Variants in FCHSD2 observed in about 807,000 individuals in gnomAD.
The protein encoded by FCHSD2 is FCH and double SH3 domains 2.
FCHSD2 carries 38 observed loss-of-function variants against 108.1 expected under a neutral mutation model. The observed-to-expected ratio is 0.35, with a 90% CI of 0.27 to 0.46. The LOEUF is 0.46. FCHSD2 is among the 20% of genes least tolerant of loss of function. The pLI is 1.00. For missense variants in FCHSD2, 751 were observed against 897.8 expected, an observed-to-expected ratio of 0.84 and a Z score of 2.09; for synonymous variants, 279 against 314.7, an observed-to-expected ratio of 0.89 and a Z score of 1.20.
intron 12 of FCHSD2, among the ~76,000 whole-genome samples, chr11:72,883,568 G>A (rs1855133225): frequency 6.6e-6 from 1 of 152,198 alleles, no homozygotes; most frequent in African/African-American, 2.4e-5. Context: ...AATGTCACTA[G>A]TCTGTAGCCA....
chr11:73,075,630 A>G (rs1439199677), intron 3 of FCHSD2, among the ~76,000 whole-genome samples: 1 of 152,128 alleles, frequency 6.6e-6, no homozygotes, highest in Non-Finnish European at 1.5e-5. Context: ...AGCCTGACCA[A>G]CATAGCAAAA....
At chr11:73,095,143 C>T (rs115330229) in intron 2 of FCHSD2, among the ~76,000 whole-genome samples, 104 of 152,234 alleles carry the variant, frequency 6.8e-4, no homozygotes, top group African/African-American at 2.5e-3. Flanking sequence ...GTTCTTATTT[C>T]TTATTAATTA....
intron 13 of FCHSD2, among the ~76,000 whole-genome samples, 166 bp from the exon 14 acceptor site, chr11:72,850,055 GAGTT>G (rs1861241074): frequency 8.7e-6 from 1 of 114,812 alleles, no homozygotes; most frequent in Non-Finnish European, 1.7e-5. Flanking sequence ...TGAAAGAATA[GAGTT>G]TTTTTTTTTT....
At chr11:72,927,059 A>G (rs1304094254) in intron 8 of FCHSD2, among the ~76,000 whole-genome samples, 1 of 152,202 alleles carries the variant, frequency 6.6e-6, no homozygotes, top group African/African-American at 2.4e-5. Flanking sequence ...AGTTTTTACT[A>G]TCTTAACAAT....
chr11:72,994,113 C>G (rs1002445186), intron 5 of FCHSD2, among the ~76,000 whole-genome samples: 23 of 152,146 alleles, frequency 1.5e-4, no homozygotes, highest in Middle Eastern at 3.4e-3. Flanking sequence ...CTTGGAGGAC[C>G]AAACAGAATA....
At chr11:72,871,581 T>C (rs1478308757) in intron 12 of FCHSD2, among the ~76,000 whole-genome samples, 3 of 83,492 alleles carry the variant, frequency 3.6e-5, no homozygotes, top group African/African-American at 9.8e-5. Flanking sequence ...TGTGGGACTC[T>C]TGGACAAACA....
intron 2 of FCHSD2, among the ~76,000 whole-genome samples, chr11:73,139,234 C>T (rs1708020777): frequency 6.6e-6 from 1 of 152,114 alleles, no homozygotes; most frequent in African/African-American, 2.4e-5. Flanking sequence ...GTTAGTGTAC[C>T]ACCAGAAAAC....
intron 8 of FCHSD2, among the ~76,000 whole-genome samples, chr11:72,972,399 A>G (rs537102526): frequency 2.0e-5 from 3 of 152,344 alleles, no homozygotes; most frequent in Non-Finnish European, 2.9e-5. Flanking sequence ...TCCAAACTAT[A>G]TTTCAAGGTG....
rs1054170125 is a variant in FCHSD2 at position 72,971,973 on chromosome 11, G to A, written c.705+12115C>T. On this transcript the variant is annotated intron_variant, in intron 8 of 19. Transcript: ENST00000409418. ...TTGCAATTATGATAGTGACAATATGGTTATACATATTTGTCAAAACTCAAC... is the reference window on the plus strand; with the variant it reads ...TTGCAATTATGATAGTGACAATATGATTATACATATTTGTCAAAACTCAAC... 1.1e-4 allele frequency among the ~76,000 whole-genome samples: 16 copies of A among 152,098 alleles called. 1 individual carries two copies. Among genetic ancestry groups the A allele is most frequent in the Admixed American group, 9.2e-4 (14 of 15,274 alleles).
At chr11:73,033,377 T>C (rs1858412605) in intron 3 of FCHSD2, among the ~76,000 whole-genome samples, 1 of 151,902 alleles carries the variant, frequency 6.6e-6, no homozygotes, top group Admixed American at 6.6e-5. Flanking sequence ...ATGCACAGTA[T>C]GGAGGCAAAG....
In FCHSD2 at chr11:72,843,343, T is replaced by C. The variant is rs1361403976; in HGVS notation, c.1528-15A>G. On this transcript the variant is annotated splice_polypyrimidine_tract_variant and intron_variant, in intron 15 of 19. Coordinates refer to ENST00000409418, the MANE Select transcript of FCHSD2 (RefSeq NM_014824.3). ...TTATTTCGAGCCTGGGTAAAAGACA[T>C]GTGACAAAACAAGTTTACACACACA... 6.2e-7 allele frequency: 1 copy of C among 1,606,926 alleles called. No individual in the cohort carries two copies. The highest frequency in any genetic ancestry group is 2.2e-5 in the East Asian group (1 of 44,732).
In FCHSD2 at chr11:72,874,504, T is replaced by C. The variant is rs551141869; in HGVS notation, c.1147-6478A>G. ...TGTGCCTGACCTCTAGTATTCATTT[T>C]AAAACAATGAAATGTTTTTATTTTT... is the stretch of plus-strand genomic sequence containing the variant. On this transcript the variant is annotated intron_variant, in intron 12 of 19. Coordinates refer to ENST00000409418, the MANE Select transcript of FCHSD2 (RefSeq NM_014824.3). 6.8e-4 allele frequency among the ~76,000 whole-genome samples: 103 copies of C among 152,364 alleles called. No individual in the cohort carries two copies. The South Asian group carries it at 0.018, about 26-fold the overall frequency.
intron 3 of FCHSD2, 122 bp from the exon 4 acceptor site, chr11:73,016,007 A>G: frequency 1.6e-6 from 1 of 631,266 alleles, no homozygotes; most frequent in Non-Finnish European, 2.7e-6. Flanking sequence ...CAGAAGTGAA[A>G]AAAAACAATG....
At chr11:73,129,389 T>TA (rs1296504878) in intron 2 of FCHSD2, among the ~76,000 whole-genome samples, 4 of 152,172 alleles carry the variant, frequency 2.6e-5, no homozygotes, top group African/African-American at 9.7e-5. Flanking sequence ...CGTCCATACT[T>TA]ACAGCCGCCC....
chr11:72,838,574 T>G lies in FCHSD2; in HGVS notation c.*217A>C. The G allele has an allele frequency of 1.7e-6, 1 of 577,290 alleles. No homozygotes were observed. The highest frequency in any genetic ancestry group is 3.1e-6 in the Non-Finnish European group (1 of 322,528). 35.8% of individuals were successfully genotyped at this position (577,290 alleles called of 1,614,324 possible). A position where few individuals can be genotyped will look rare whatever the true frequency, so the allele number is the denominator to read the frequency against. On this transcript the variant is annotated 3_prime_UTR_variant, in exon 20 of 20. Coordinates refer to ENST00000409418, the MANE Select transcript of FCHSD2 (RefSeq NM_014824.3). ...CTAGGGTCCGCTAGGATTTGTGCTA[T>G]GGTAGGAGAAATGACATAGAAAATG...
At chr11:73,072,290 G>A (rs1347265939) in intron 3 of FCHSD2, among the ~76,000 whole-genome samples, 1 of 151,730 alleles carries the variant, frequency 6.6e-6, no homozygotes, top group African/African-American at 2.4e-5. Context: ...ACACCTTTAC[G>A]AGATGTGCTA....
chr11:72,854,170 T>A (rs916234360), intron 13 of FCHSD2, among the ~76,000 whole-genome samples: 1 of 152,220 alleles, frequency 6.6e-6, no homozygotes, highest in African/African-American at 2.4e-5. Context: ...AACAGTAACA[T>A]GTTTCTTCAA....
chr11:73,022,310 G>A (rs1267262631), intron 3 of FCHSD2, among the ~76,000 whole-genome samples: 1 of 152,046 alleles, frequency 6.6e-6, no homozygotes, highest in African/African-American at 2.4e-5. Flanking sequence ...GATAGGAAAG[G>A]AAGAAATAAA....
At position 72,867,774 on chromosome 11, in the gene FCHSD2, A is replaced by T. The variant is rs1020353316; in HGVS notation, c.1308+91T>A. On this transcript the variant is annotated intron_variant, in intron 13 of 19. Transcript: ENST00000409418. Reference sequence around the variant, plus strand: ...ATCACTAGCAAACTATTATCTTTTTAAAAAATTTTGGCTATTATTAAGTTT... The same window carrying T: ...ATCACTAGCAAACTATTATCTTTTTTAAAAATTTTGGCTATTATTAAGTTT... 1.8e-5 allele frequency: 20 copies of T among 1,093,234 alleles called. 1 individual carries two copies. Among genetic ancestry groups the T allele is most frequent in the South Asian group, 1.0e-4 (6 of 57,384 alleles). The allele number at this position is 1,093,234 out of a possible 1,614,324, so 67.7% of individuals were successfully genotyped here. A position where few individuals can be genotyped will look rare whatever the true frequency, so the allele number is the denominator to read the frequency against.
Sources: allele counts gnomAD v4.1 joint callset (sites outside exome capture counted in the v4.1 genomes callset), GRCh38; gene constraint gnomAD v4.1.1; transcripts MANE v1.5; gene names NCBI Gene and HGNC (gene_info 2026-07-23, HGNC 2026-07-21).